The following GRM1 variants were observed in gnomAD, a reference collection of about 807,000 sequenced individuals.
The protein encoded by GRM1 is metabotropic glutamate receptor 1.
In GRM1, 33 loss-of-function variants were observed where a neutral mutation model predicts 90.9. The ratio of observed to expected loss-of-function variants is 0.36; its 90% CI spans 0.28 to 0.49. The LOEUF is 0.49. GRM1 is among the 20% of genes least tolerant of loss of function. The pLI, the probability that GRM1 is intolerant of heterozygous loss-of-function variation, is 0.99. For missense variants in GRM1, 1,190 were observed against 1,534.3 expected (o/e 0.78, Z 3.75); for synonymous variants, 700 against 613.2 (o/e 1.14, Z -2.09).
intron 1 of GRM1, among the ~76,000 whole-genome samples, chr6:146,071,951 T>G (rs114066094): frequency 0.014 from 2,203 of 152,222 alleles, 41 homozygotes; most frequent in African/African-American, 0.049. Context: ...GCTGTCCCAG[T>G]AGCTGGGGAA....
At chr6:146,180,685 T>C (rs1778519586) in intron 2 of GRM1, among the ~76,000 whole-genome samples, 1 of 152,166 alleles carries the variant, frequency 6.6e-6, no homozygotes, top group Non-Finnish European at 1.5e-5. Context: ...AACAACCAAA[T>C]GTCACGAACT....
intron 7 of GRM1, among the ~76,000 whole-genome samples, chr6:146,424,626 C>T (rs1463869303): frequency 3.9e-5 from 6 of 152,178 alleles, no homozygotes; most frequent in Non-Finnish European, 5.9e-5. Context: ...CAGGGCTCTT[C>T]GGAGGTAGAG....
At chr6:146,125,367 G>T (rs529710847) in intron 1 of GRM1, among the ~76,000 whole-genome samples, 2 of 151,964 alleles carry the variant, frequency 1.3e-5, no homozygotes, top group Admixed American at 6.6e-5. Context: ...AAAGCCCTTT[G>T]TGTGGGTATA....
intron 1 of GRM1, among the ~76,000 whole-genome samples, chr6:146,057,701 C>T (rs921002531): frequency 2.0e-5 from 3 of 152,002 alleles, no homozygotes; most frequent in Non-Finnish European, 2.9e-5. Flanking sequence ...TCTCTTCTAC[C>T]ATTCCTTCTT....
rs886813759 is a variant in GRM1, at chr6:146,437,392, A to G, written c.*2596A>G. The G allele has an allele frequency of 2.6e-5, 4 of 152,596 alleles. No homozygotes were observed. The highest frequency in any genetic ancestry group is 9.7e-5 in the African/African-American group (4 of 41,448). 9.5% of individuals were successfully genotyped at this position (152,596 alleles called of 1,614,324 possible). A position where few individuals can be genotyped will look rare whatever the true frequency, so the allele number is the denominator to read the frequency against. On this transcript the variant is annotated 3_prime_UTR_variant, in exon 8 of 8. Coordinates refer to ENST00000282753, the MANE Select transcript of GRM1 (RefSeq NM_001278064.2). The stretch of plus-strand genomic sequence containing the variant: ...CCTGATTATGGGGTCTCCTGAATAA[A>G]TAGAGTATTAGTCCTTATGTCATCA...
chr6:146,318,014 C>G (rs901825892), intron 3 of GRM1, among the ~76,000 whole-genome samples: 6 of 152,126 alleles, frequency 3.9e-5, no homozygotes, highest in Non-Finnish European at 7.4e-5. Flanking sequence ...TTTTTAAAAA[C>G]TTATACTTTA....
At chr6:146,406,672 T>C (rs551699985) in intron 7 of GRM1, among the ~76,000 whole-genome samples, 1 of 151,902 alleles carries the variant, frequency 6.6e-6, no homozygotes, top group Non-Finnish European at 1.5e-5. Flanking sequence ...CTACTAAACA[T>C]GCAAAAATAA....
At chr6:146,088,506 C>T (rs1481908353) in intron 1 of GRM1, among the ~76,000 whole-genome samples, 1 of 151,922 alleles carries the variant, frequency 6.6e-6, no homozygotes, top group Admixed American at 6.6e-5. Context: ...TTTCCAGAAC[C>T]CAGTGTTTAG....
chr6:146,130,820 G>A (rs1776374113), intron 1 of GRM1, among the ~76,000 whole-genome samples: 1 of 152,080 alleles, frequency 6.6e-6, no homozygotes, highest in Non-Finnish European at 1.5e-5. Flanking sequence ...CCCCTCTCAA[G>A]TTCCTTCTAA....
intron 2 of GRM1, among the ~76,000 whole-genome samples, chr6:146,246,955 A>G (rs755784382): frequency 6.6e-6 from 1 of 152,208 alleles, no homozygotes; most frequent in Non-Finnish European, 1.5e-5. Context: ...TATTTGAGCT[A>G]ACTGAGGTGA....
intron 2 of GRM1, among the ~76,000 whole-genome samples, chr6:146,161,848 A>G (rs28360563): frequency 1.3e-5 from 2 of 152,252 alleles, no homozygotes; most frequent in East Asian, 1.9e-4. Context: ...TCTCCCTTCC[A>G]TGACATTCAG....
intron 7 of GRM1, among the ~76,000 whole-genome samples, chr6:146,406,213 C>T (rs1777342324): frequency 6.6e-6 from 1 of 152,132 alleles, no homozygotes; most frequent in Non-Finnish European, 1.5e-5. Context: ...AGCCATCTGA[C>T]ATTAATGGAG....
rs541841190 is a variant in GRM1 at position 146,121,155 on chromosome 6, G to T, written c.701-38193G>T. On this transcript the variant is annotated intron_variant, in intron 1 of 7. Transcript: ENST00000282753. ...ATTCAGAGGTTCAACTTCTTCCTGG[G>T]TTAGTCTTGGGAGGGTGTATGTGTC... is the stretch of plus-strand genomic sequence containing the variant. Among the ~76,000 whole-genome samples, 15 of 152,108 alleles carry T rather than the reference G, an allele frequency of 9.9e-5. No homozygotes were observed. The South Asian group carries it at 3.1e-3, about 32-fold the overall frequency.
At chr6:146,282,106 A>G (rs1003095264) in intron 2 of GRM1, among the ~76,000 whole-genome samples, 1 of 152,118 alleles carries the variant, frequency 6.6e-6, no homozygotes, top group Non-Finnish European at 1.5e-5. Context: ...TAATACTGTC[A>G]GCACTGGTGC....
chr6:146,254,498 G>T (rs1781417039), intron 2 of GRM1, among the ~76,000 whole-genome samples: 1 of 152,096 alleles, frequency 6.6e-6, no homozygotes, highest in Non-Finnish European at 1.5e-5. Context: ...GATGACTTTT[G>T]ACGTGTTTTG....
chr6:146,044,754 G>T (rs886297199), intron 1 of GRM1, among the ~76,000 whole-genome samples: 1 of 151,790 alleles, frequency 6.6e-6, no homozygotes, highest in African/African-American at 2.4e-5. Flanking sequence ...CATTTTAAAA[G>T]TAAAATCTTA....
intron 1 of GRM1, among the ~76,000 whole-genome samples, chr6:146,158,369 T>C (rs935203701): frequency 1.1e-4 from 17 of 151,948 alleles, no homozygotes; most frequent in Admixed American, 2.0e-4. Context: ...GCAGTAGAGG[T>C]AGTAGAATAT....
At chr6:146,136,709 C>G (rs1421713311) in intron 1 of GRM1, among the ~76,000 whole-genome samples, 2 of 151,922 alleles carry the variant, frequency 1.3e-5, no homozygotes, top group Non-Finnish European at 2.9e-5. Context: ...GCAAATAGAG[C>G]TGATAAAGAA....
At chr6:146,265,690 T>C (rs1051308693) in intron 2 of GRM1, among the ~76,000 whole-genome samples, 2 of 152,216 alleles carry the variant, frequency 1.3e-5, no homozygotes, top group African/African-American at 4.8e-5. Context: ...TAATCCATCT[T>C]GAGTTAGTTT....
Sources: gnomAD v4.1 joint callset for allele counts (sites outside exome capture counted in the v4.1 genomes callset) on GRCh38, gnomAD v4.1.1 for gene constraint, MANE v1.5 for transcripts, NCBI Gene and HGNC (gene_info 2026-07-23, HGNC 2026-07-21) for gene names.